The following HYCC1 variants were observed in gnomAD, a reference collection of about 807,000 sequenced individuals.
The protein encoded by HYCC1 is hyccin PI4KA lipid kinase complex subunit 1.
At chr7:22,986,779 C>T in the HYCC1 span, among the ~76,000 whole-genome samples, 1 of 152,136 alleles carries the variant, frequency 6.6e-6, no homozygotes, top group Non-Finnish European at 1.5e-5. Context: ...ACCCGGGAGG[C>T]AGAGGTTGCA....
At chr7:22,975,912 G>T in the HYCC1 span, among the ~76,000 whole-genome samples, 1 of 152,046 alleles carries the variant, frequency 6.6e-6, no homozygotes, top group African/African-American at 2.4e-5. Context: ...AGAGACAGGG[G>T]TCTTGCTATG....
chr7:22,958,726 G>A, the HYCC1 span, among the ~76,000 whole-genome samples: 6 of 152,060 alleles, frequency 3.9e-5, no homozygotes, highest in East Asian at 9.6e-4. Context: ...GCCTGGACAT[G>A]CACACATACT....
chr7:22,995,942 GC>G, the HYCC1 span, among the ~76,000 whole-genome samples: 10 of 152,260 alleles, frequency 6.6e-5, no homozygotes, highest in African/African-American at 2.4e-4. Flanking sequence ...ACAGACATGA[GC>G]CACCGTGCCT....
chr7:23,006,153 G>A, the HYCC1 span, among the ~76,000 whole-genome samples: 8 of 152,150 alleles, frequency 5.3e-5, no homozygotes, highest in Non-Finnish European at 8.8e-5. Context: ...TGGGTGTGCT[G>A]ATTATAACCA....
the HYCC1 span, among the ~76,000 whole-genome samples, chr7:23,011,845 G>C: frequency 6.6e-6 from 1 of 152,032 alleles, no homozygotes; most frequent in Non-Finnish European, 1.5e-5. Context: ...TCCTGCACTT[G>C]GCAAAATCAT....
At chr7:22,915,684 G>A in the HYCC1 span, among the ~76,000 whole-genome samples, 2 of 152,060 alleles carry the variant, frequency 1.3e-5, no homozygotes, top group Non-Finnish European at 2.9e-5. Context: ...TTCTTAATAC[G>A]GAGGCTACCT....
the HYCC1 span, among the ~76,000 whole-genome samples, chr7:22,963,076 A>G: frequency 6.6e-6 from 1 of 152,156 alleles, no homozygotes; most frequent in Non-Finnish European, 1.5e-5. Flanking sequence ...AGCCTAGAAG[A>G]GGCATGCCCA....
the HYCC1 span, chr7:22,961,163 G>T: frequency 1.9e-6 from 1 of 533,890 alleles, no homozygotes; most frequent in Non-Finnish European, 3.2e-6. Flanking sequence ...AACTATGAAT[G>T]GCTCTCAATT....
the HYCC1 span, among the ~76,000 whole-genome samples, chr7:22,968,219 G>C: frequency 1.3e-5 from 2 of 152,056 alleles, no homozygotes; most frequent in African/African-American, 4.8e-5. Flanking sequence ...CTAGACAATG[G>C]TGTATTAACC....
the HYCC1 span, among the ~76,000 whole-genome samples, chr7:22,996,909 T>C: frequency 6.6e-6 from 1 of 152,170 alleles, no homozygotes; most frequent in African/African-American, 2.4e-5. Context: ...TACTTGCATT[T>C]GTAAAAACTT....
the HYCC1 span, among the ~76,000 whole-genome samples, chr7:22,900,489 C>T: frequency 6.6e-6 from 1 of 152,116 alleles, no homozygotes; most frequent in Non-Finnish European, 1.5e-5. Context: ...CAATTTTAGC[C>T]AATGAGATGT....
chr7:22,955,525 C>G, the HYCC1 span, among the ~76,000 whole-genome samples: 1 of 151,542 alleles, frequency 6.6e-6, no homozygotes, highest in Non-Finnish European at 1.5e-5. Context: ...GGAACTATAA[C>G]TTAATTAGGG....
chr7:22,998,293 T>C, the HYCC1 span, among the ~76,000 whole-genome samples: 1 of 152,178 alleles, frequency 6.6e-6, no homozygotes, highest in Non-Finnish European at 1.5e-5. Context: ...ATATTCTCCC[T>C]CTTTTTTGAG....
the HYCC1 span, chr7:22,990,970 C>T: frequency 1.2e-6 from 1 of 826,576 alleles, no homozygotes; most frequent in Non-Finnish European, 2.1e-6. Context: ...TTTAGCCTTT[C>T]AGTCATATAA....
At chr7:22,935,209 T>C in the HYCC1 span, 2 of 152,266 alleles carry the variant, frequency 1.3e-5, no homozygotes, top group Non-Finnish European at 2.9e-5. Flanking sequence ...GTTGCTCTGC[T>C]ATAGAAGTGT....
At chr7:22,917,776 A>C in the HYCC1 span, among the ~76,000 whole-genome samples, 8 of 152,156 alleles carry the variant, frequency 5.3e-5, no homozygotes, top group African/African-American at 1.9e-4. Context: ...CACCACCCTT[A>C]AGTCTCTCTT....
chr7:22,921,791 C>T, the HYCC1 span, among the ~76,000 whole-genome samples: 1 of 152,082 alleles, frequency 6.6e-6, no homozygotes, highest in Admixed American at 6.5e-5. Context: ...TTCATATACA[C>T]AGGTTTCACA....
chr7:22,996,113 G>T, the HYCC1 span, among the ~76,000 whole-genome samples: 1 of 151,970 alleles, frequency 6.6e-6, no homozygotes, highest in Non-Finnish European at 1.5e-5. Flanking sequence ...GGCCAACACA[G>T]TGAAACCCCT....
chr7:22,916,148 G>A, the HYCC1 span, among the ~76,000 whole-genome samples: 1 of 152,130 alleles, frequency 6.6e-6, no homozygotes, highest in Non-Finnish European at 1.5e-5. Flanking sequence ...TCGCTCGCCT[G>A]TTACAGCATG....
Sources: gnomAD v4.1 joint callset for allele counts (sites outside exome capture counted in the v4.1 genomes callset) on GRCh38, gnomAD v4.1.1 for gene constraint, MANE v1.5 for transcripts, NCBI Gene and HGNC (gene_info 2026-07-23, HGNC 2026-07-21) for gene names.